Variants in BBOX1 observed in about 807,000 individuals in gnomAD.
BBOX1 encodes the protein gamma-butyrobetaine hydroxylase 1.
A neutral mutation model predicts 41.6 loss-of-function variants in BBOX1; 35 were observed. That is an observed-to-expected ratio of 0.84 (90% CI 0.64 to 1.11). The LOEUF (loss-of-function observed/expected upper bound fraction) is 1.11, where lower values mean the gene tolerates loss of function less well. Among genes scored for constraint, BBOX1 ranks in the 50% most tolerant of loss-of-function variants. The probability of loss-of-function intolerance (pLI) is 0.00; values close to 1 mark genes in which losing one functional copy is unlikely to be tolerated. For synonymous variants in BBOX1, 163 were observed against 154.7 expected (o/e 1.05, Z -0.40); for missense variants, 458 against 460.6 (o/e 0.99, Z 0.05).
chr11:27,124,559 C>T (rs553863042), intron 7 of BBOX1, among the ~76,000 whole-genome samples: 7 of 152,228 alleles, frequency 4.6e-5, no homozygotes, highest in African/African-American at 1.7e-4. Context: ...ATTCTGTTTT[C>T]CATGCTGGAG....
At chr11:27,059,931 C>T (rs1164758583) in intron 4 of BBOX1, among the ~76,000 whole-genome samples, 2 of 152,168 alleles carry the variant, frequency 1.3e-5, no homozygotes, top group African/African-American at 4.8e-5. Context: ...CAGAGACTTA[C>T]CCTGTCTTAG....
chr11:27,064,983 T>A (rs979104081), intron 4 of BBOX1, among the ~76,000 whole-genome samples: 2 of 152,064 alleles, frequency 1.3e-5, no homozygotes, highest in African/African-American at 4.8e-5. Flanking sequence ...TGGCTGACAA[T>A]CTGTTTCTAT....
intron 5 of BBOX1, among the ~76,000 whole-genome samples, chr11:27,095,255 T>G (rs561417562): frequency 3.0e-4 from 45 of 152,126 alleles, no homozygotes; most frequent in African/African-American, 1.1e-3. Flanking sequence ...TTTGTATCTG[T>G]TCCAAGGCAT....
chr11:27,088,246 A>G (rs1858114447), intron 4 of BBOX1, among the ~76,000 whole-genome samples: 1 of 152,052 alleles, frequency 6.6e-6, no homozygotes. Flanking sequence ...AAGAAAATTC[A>G]TCTTGTGAAA....
chr11:27,126,104 T>C (rs1388515868), intron 8 of BBOX1, among the ~76,000 whole-genome samples: 1 of 152,226 alleles, frequency 6.6e-6, no homozygotes, highest in Admixed American at 6.5e-5. Context: ...GAGACAGTAC[T>C]ACCTGAAATA....
intron 4 of BBOX1, among the ~76,000 whole-genome samples, chr11:27,060,175 C>T (rs941189197): frequency 6.6e-6 from 1 of 152,130 alleles, no homozygotes; most frequent in Non-Finnish European, 1.5e-5. Context: ...GATGATTTCT[C>T]ATGAATTGTT....
chr11:27,119,905 A>C (rs1048892348), intron 7 of BBOX1, 60 bp downstream of exon 7: 28 of 1,087,588 alleles, frequency 2.6e-5, no homozygotes, highest in Non-Finnish European at 3.4e-5. Context: ...AAGATCCACT[A>C]ATCTAAAGTT....
intron 5 of BBOX1, among the ~76,000 whole-genome samples, chr11:27,103,643 CT>C (rs1858751126): frequency 6.6e-6 from 1 of 151,100 alleles, no homozygotes; most frequent in African/African-American, 2.4e-5. Context: ...GTAGGTTATT[CT>C]TTTACATATT....
intron 4 of BBOX1, among the ~76,000 whole-genome samples, chr11:27,072,429 A>G (rs927459326): frequency 9.2e-5 from 14 of 152,314 alleles, no homozygotes; most frequent in African/African-American, 3.4e-4. Flanking sequence ...AGAGGACACA[A>G]AGAAATGGAA....
chr11:27,066,188 GC>G (rs1176476060), intron 4 of BBOX1, among the ~76,000 whole-genome samples: 1 of 152,044 alleles, frequency 6.6e-6, no homozygotes, highest in Non-Finnish European at 1.5e-5. Context: ...TACAAGCTAG[GC>G]TTTTTTGTGT....
intron 5 of BBOX1, among the ~76,000 whole-genome samples, chr11:27,094,038 GAA>G (rs905465871): frequency 6.6e-6 from 1 of 151,966 alleles, no homozygotes; most frequent in African/African-American, 2.4e-5. Flanking sequence ...AGAGTTGGCT[GAA>G]AATAAAGTTG....
At chr11:27,125,239 T>A (rs1859609974) in intron 7 of BBOX1, among the ~76,000 whole-genome samples, 1 of 152,166 alleles carries the variant, frequency 6.6e-6, no homozygotes, top group African/African-American at 2.4e-5. Flanking sequence ...TTTCTTCCCA[T>A]CATACCCTCA....
chr11:27,112,822 A>G lies in BBOX1; in HGVS notation c.534-2630A>G, dbSNP rs369074151. On this transcript the variant is annotated intron_variant, in intron 5 of 8. Transcript: ENST00000263182. ...TTGACAAATAGGACCTAATTCAACT[A>G]AAGAGCTTCTACACAGCAAAAGAAA... 5.9e-5 allele frequency among the ~76,000 whole-genome samples: 9 copies of G among 152,160 alleles called. No homozygotes were observed. In the East Asian group the frequency reaches 1.2e-3, roughly 20 times the overall value.
intron 5 of BBOX1, among the ~76,000 whole-genome samples, chr11:27,110,726 C>T (rs974332700): frequency 1.3e-5 from 2 of 151,836 alleles, no homozygotes; most frequent in Non-Finnish European, 2.9e-5. Context: ...TTTGTAGAAC[C>T]TATCTCTATT....
At chr11:27,115,289 T>C (rs1485881707) in intron 5 of BBOX1, among the ~76,000 whole-genome samples, 163 bp from the exon 6 acceptor site, 1 of 151,948 alleles carries the variant, frequency 6.6e-6, no homozygotes, top group African/African-American at 2.4e-5. Flanking sequence ...ATAGTGACTT[T>C]AGGCAGAGAA....
Position 27,127,638 on chromosome 11 carries a change from C to T in BBOX1, c.*185C>T. On this transcript the variant is annotated 3_prime_UTR_variant, in exon 9 of 9. Coordinates refer to ENST00000263182, the MANE Select transcript of BBOX1 (RefSeq NM_003986.3). Reference sequence around the variant, plus strand: ...CAATGTCAACTTTTTAGATGTTTCACCACTCTTTTGCAAATAAAGCATCCT... The same window carrying T: ...CAATGTCAACTTTTTAGATGTTTCATCACTCTTTTGCAAATAAAGCATCCT... 2 of 669,108 alleles carry T rather than the reference C, an allele frequency of 3.0e-6. No homozygotes were observed. Among genetic ancestry groups the T allele is most frequent in the East Asian group, 6.2e-5 (2 of 32,422 alleles). 41.4% of individuals were successfully genotyped at this position (669,108 alleles called of 1,614,324 possible).
chr11:27,100,022 A>T (rs986188274), intron 5 of BBOX1, among the ~76,000 whole-genome samples: 1 of 152,134 alleles, frequency 6.6e-6, no homozygotes, highest in African/African-American at 2.4e-5. Flanking sequence ...GGGAAGTACA[A>T]CTATAATATA....
At chr11:27,105,349 A>G (rs961501637) in intron 5 of BBOX1, among the ~76,000 whole-genome samples, 1 of 152,200 alleles carries the variant, frequency 6.6e-6, no homozygotes, top group East Asian at 1.9e-4. Flanking sequence ...CCTTGAAAAA[A>G]GATTAGACAA....
intron 6 of BBOX1, among the ~76,000 whole-genome samples, chr11:27,115,773 A>T (rs1859238165): frequency 6.6e-6 from 1 of 151,924 alleles, no homozygotes; most frequent in African/African-American, 2.4e-5. Flanking sequence ...AAACAACAAC[A>T]ACAACAACAA....
Sources: allele counts gnomAD v4.1 joint callset (sites outside exome capture counted in the v4.1 genomes callset), GRCh38; gene constraint gnomAD v4.1.1; transcripts MANE v1.5; gene names NCBI Gene and HGNC (gene_info 2026-07-23, HGNC 2026-07-21).